DOCK3: variants seen among roughly 807,000 people sequenced by gnomAD.
DOCK3 encodes the protein dedicator of cytokinesis 3.
DOCK3 carries 60 observed loss-of-function variants against 265.6 expected under a neutral mutation model. The ratio of observed to expected loss-of-function variants is 0.23; its 90% CI spans 0.18 to 0.28. The LOEUF (loss-of-function observed/expected upper bound fraction) is 0.28, where lower values mean the gene tolerates loss of function less well. Among genes scored for constraint, DOCK3 ranks in the 10% least tolerant of loss-of-function variants. The pLI is 1.00. For synonymous variants in DOCK3, 881 were observed against 938.0 expected, an observed-to-expected ratio of 0.94 and a Z score of 1.11; for missense variants, 1,981 against 2,594.3, an observed-to-expected ratio of 0.76 and a Z score of 5.14.
chr3:51,341,223 G>A lies in DOCK3; in HGVS notation c.3767-14G>A, dbSNP rs746385431. The A allele has an allele frequency of 2.4e-5, 37 of 1,558,860 alleles. No individual in the cohort carries two copies. The highest frequency in any genetic ancestry group is 4.1e-4 in the Middle Eastern group (2 of 4,870). The stretch of plus-strand genomic sequence containing the variant: ...AGGGAAGCCCCTGGACCTCCATGCT[G>A]TCTGTCCCCACAGAGGCCGCATTTA... On this transcript the variant is annotated splice_polypyrimidine_tract_variant and intron_variant, in intron 37 of 52. Coordinates refer to ENST00000266037, the MANE Select transcript of DOCK3 (RefSeq NM_004947.5).
intron 9 of DOCK3, among the ~76,000 whole-genome samples, chr3:51,130,588 A>T (rs1270021850): frequency 6.6e-6 from 1 of 152,230 alleles, no homozygotes; most frequent in African/African-American, 2.4e-5. Context: ...TACACAGGCT[A>T]AATGGGAGAG....
intron 9 of DOCK3, among the ~76,000 whole-genome samples, chr3:51,095,061 G>A (rs2082788581): frequency 6.7e-6 from 1 of 149,884 alleles, no homozygotes; most frequent in South Asian, 2.1e-4. Flanking sequence ...TTGAGCCTAT[G>A]TGTGTCTTTG....
intron 9 of DOCK3, among the ~76,000 whole-genome samples, chr3:51,124,859 G>A (rs2084193432): frequency 6.6e-6 from 1 of 151,868 alleles, no homozygotes; most frequent in Admixed American, 6.6e-5. Flanking sequence ...GCTGGATGTG[G>A]TGGCTCATGC....
intron 32 of DOCK3, among the ~76,000 whole-genome samples, chr3:51,326,611 T>A (rs1441854522): frequency 1.3e-5 from 2 of 150,056 alleles, no homozygotes; most frequent in African/African-American, 4.9e-5. Context: ...GTTGTTGTTG[T>A]TGTTGTTGTT....
At chr3:50,686,426 A>G (rs1008678710) in intron 1 of DOCK3, among the ~76,000 whole-genome samples, 1 of 152,244 alleles carries the variant, frequency 6.6e-6, no homozygotes, top group Non-Finnish European at 1.5e-5. Context: ...TGTGATCTCA[A>G]GCAGTTGATC....
intron 38 of DOCK3, among the ~76,000 whole-genome samples, chr3:51,344,000 A>C (rs1560471905): frequency 6.6e-6 from 1 of 152,048 alleles, no homozygotes; most frequent in Non-Finnish European, 1.5e-5. Flanking sequence ...GAGTTTAGAG[A>C]AGGAAGGGGT....
chr3:51,199,848 C>T (rs546151268), intron 12 of DOCK3, among the ~76,000 whole-genome samples: 4 of 152,314 alleles, frequency 2.6e-5, no homozygotes, highest in East Asian at 1.9e-4. Context: ...TCCAGAAGAA[C>T]GATCAGACAG....
intron 23 of DOCK3, 63 bp downstream of exon 23, chr3:51,260,389 T>C: frequency 3.3e-6 from 5 of 1,508,592 alleles, no homozygotes; most frequent in Non-Finnish European, 1.8e-6. Flanking sequence ...GGTTTCTTTG[T>C]CCTCTGGTTT....
Position 51,246,793 on chromosome 3 carries a change from C to G in DOCK3, c.2170C>G (p.Gln724Glu). 3.1e-6 allele frequency: 5 copies of G among 1,613,170 alleles called. No homozygotes were observed. The highest frequency in any genetic ancestry group is 4.2e-6 in the Non-Finnish European group (5 of 1,179,574). The change falls in exon 22 of 53, where the codon CAA (glutamine) becomes GAA (glutamate). Residue 724 changes from glutamine to glutamate, a missense_variant. Physicochemically the swap from Gln to Glu is conservative, Grantham distance 29. This residue lies in a region of DOCK3 where 1,357 missense variants were observed against 1,866.8 expected (regional missense o/e 0.73). Transcript: ENST00000266037. ...SAELIRQDHI[Q>E]EAMRALEYLF... ...AGAACTGATTCGACAGGACCACATT[C>G]AAGAAGCTATGCGGGTAATGTACTA...
chr3:50,741,624 A>G (rs1171561171), intron 1 of DOCK3, among the ~76,000 whole-genome samples: 25 of 150,302 alleles, frequency 1.7e-4, no homozygotes, highest in Non-Finnish European at 3.6e-4. Flanking sequence ...TTATGGCTGC[A>G]TAGTATTCCA....
intron 12 of DOCK3, among the ~76,000 whole-genome samples, chr3:51,163,876 C>T (rs543089475): frequency 2.4e-4 from 37 of 152,042 alleles, no homozygotes; most frequent in African/African-American, 8.4e-4. Flanking sequence ...ATATATTGCT[C>T]ATTCTTGGCT....
intron 21 of DOCK3, among the ~76,000 whole-genome samples, chr3:51,239,735 T>C (rs1224171460): frequency 1.3e-5 from 2 of 152,152 alleles, no homozygotes; most frequent in Non-Finnish European, 2.9e-5. Context: ...TTTTAGTTTA[T>C]GTGCATAAAG....
rs748956343 is a variant in DOCK3 at position 51,354,966 on chromosome 3, G to A, written c.4192G>A (p.Val1398Ile). Residue 1398 changes from valine (V) to isoleucine (I), a missense_variant, in exon 41 of 53, where the codon GTC becomes ATC. Around this residue, in one of 4 missense-constraint regions of DOCK3, gnomAD observed 1,357 missense variants for 1,866.8 expected, o/e 0.73. Transcript: ENST00000266037. Reference sequence around the variant, plus strand: ...GATGCTCAGTGAGTTTCCGCAGGCTGTCGCCATGCAGCACCCCAACCATCC... The same window carrying A: ...GATGCTCAGTGAGTTTCCGCAGGCTATCGCCATGCAGCACCCCAACCATCC... ...QRMLSEFPQAVAMQHPNHPDD... is the reference protein window; with the variant it reads ...QRMLSEFPQAIAMQHPNHPDD... 6.2e-7 allele frequency: 1 copy of A among 1,613,924 alleles called. No individual in the cohort carries two copies. Among genetic ancestry groups the A allele is most frequent in the South Asian group, 1.1e-5 (1 of 91,090 alleles).
chr3:51,363,431 A>G (rs1270098536), intron 49 of DOCK3, among the ~76,000 whole-genome samples: 1 of 152,188 alleles, frequency 6.6e-6, no homozygotes, highest in Non-Finnish European at 1.5e-5. Context: ...CTTCAGAAGG[A>G]GGGAGTCTCT....
At chr3:50,734,412 G>A (rs1448341582) in intron 1 of DOCK3, among the ~76,000 whole-genome samples, 5 of 152,034 alleles carry the variant, frequency 3.3e-5, no homozygotes, top group East Asian at 3.9e-4. Flanking sequence ...TGAGGTGGGA[G>A]GATCACTTGA....
At chr3:51,209,320 C>T (rs1021772811) in intron 13 of DOCK3, among the ~76,000 whole-genome samples, 5 of 152,204 alleles carry the variant, frequency 3.3e-5, no homozygotes, top group African/African-American at 4.8e-5. Context: ...ATCGGTCATT[C>T]TGAAACTAGA....
chr3:51,145,852 G>A (rs1310245214), intron 9 of DOCK3, among the ~76,000 whole-genome samples: 2 of 152,182 alleles, frequency 1.3e-5, no homozygotes, highest in Non-Finnish European at 2.9e-5. Flanking sequence ...GTTTTGGGAT[G>A]AAGCTGTTCT....
chr3:51,137,278 T>C (rs2084849433), intron 9 of DOCK3, among the ~76,000 whole-genome samples: 1 of 152,208 alleles, frequency 6.6e-6, no homozygotes, highest in Admixed American at 6.5e-5. Flanking sequence ...ACCTTGGGGC[T>C]ACTTGCTTAT....
intron 51 of DOCK3, 28 bp downstream of exon 51, chr3:51,375,863 C>T (rs766041601): frequency 6.2e-7 from 1 of 1,612,210 alleles, no homozygotes; most frequent in Admixed American, 1.7e-5. Flanking sequence ...GCCTTCCCCC[C>T]ATGTCTGTCC....
Sources: allele counts gnomAD v4.1 joint callset (sites outside exome capture counted in the v4.1 genomes callset), GRCh38; gene constraint gnomAD v4.1.1; regional missense constraint gnomAD v4.1.1; transcripts MANE v1.5; gene names NCBI Gene and HGNC (gene_info 2026-07-23, HGNC 2026-07-21).